LLPH: variants seen among roughly 807,000 people sequenced by gnomAD.
The protein encoded by LLPH is protein LLP homolog.
A neutral mutation model predicts 13.3 loss-of-function variants in LLPH; 5 were observed. The ratio of observed to expected loss-of-function variants is 0.38; its 90% CI spans 0.20 to 0.79. LLPH has a LOEUF of 0.79. LLPH is among the 30% of genes least tolerant of loss of function. LLPH has a pLI of 0.45. For missense variants in LLPH, 129 were observed against 152.1 expected, an observed-to-expected ratio of 0.85 and a Z score of 0.80; for synonymous variants, 32 against 44.2, an observed-to-expected ratio of 0.72 and a Z score of 1.09.
At position 66,130,688 on chromosome 12, in the gene LLPH, T is replaced by G. The variant is rs986727514; in HGVS notation, c.-8+17A>C. On this transcript the variant is annotated intron_variant, in intron 1 of 2. Coordinates refer to ENST00000266604, the MANE Select transcript of LLPH (RefSeq NM_032338.4). Reference sequence around the variant, plus strand: ...CAAGTCCCATGTGTCACTGGACCGGTGAGGAACCGAACTCACCTGAGAAAC... The same window carrying G: ...CAAGTCCCATGTGTCACTGGACCGGGGAGGAACCGAACTCACCTGAGAAAC... The G allele has an allele frequency of 6.6e-6, 1 of 152,186 alleles. No homozygotes were observed. The highest frequency in any genetic ancestry group is 2.1e-4 in the South Asian group (1 of 4,818). 9.4% of individuals were successfully genotyped at this position (152,186 alleles called of 1,614,324 possible).
At chr12:66,126,934 AAAAAAAC>A (rs1196591796) in intron 2 of LLPH, among the ~76,000 whole-genome samples, 5 of 152,100 alleles carry the variant, frequency 3.3e-5, no homozygotes, top group African/African-American at 9.7e-5. Flanking sequence ...ATCTCAAAAA[AAAAAAAC>A]AAAAAACAAA....
Position 66,122,651 on chromosome 12 carries a change from C to T in LLPH, c.*1189G>A, listed in dbSNP as rs2136827112. On this transcript the variant is annotated 3_prime_UTR_variant, in exon 3 of 3. Transcript: ENST00000266604. ...TAACTAAAAATCATTTCTCAGAAAA[C>T]TAGTTTCAAAGAGTAGACGCTAAAC... 1 of 152,306 alleles carries T rather than the reference C, an allele frequency of 6.6e-6. No individual in the cohort carries two copies. Among genetic ancestry groups the T allele is most frequent in the East Asian group, 1.9e-4 (1 of 5,194 alleles). 9.4% of individuals were successfully genotyped at this position (152,306 alleles called of 1,614,324 possible).
Position 66,128,999 on chromosome 12 carries a change from G to A in LLPH, c.108C>T (p.Asp36=), listed in dbSNP as rs149810949. The change falls in exon 2 of 3, where the codon GAC becomes GAT. Residue 36 remains aspartate (D), a synonymous_variant. Transcript: ENST00000266604. The part of the protein sequence containing the change: ...ASRLKSILKL[D]GDVLMKDVQE... ...GAACATCTTTCATTAAAACATCACCGTCTAGTTTGAGAATACTTTTAAGCC... is the reference window on the plus strand; with the variant it reads ...GAACATCTTTCATTAAAACATCACCATCTAGTTTGAGAATACTTTTAAGCC... The A allele has an allele frequency of 2.6e-3, 4,220 of 1,611,220 alleles. 8 individuals carry two copies. Among genetic ancestry groups the A allele is most frequent in the Non-Finnish European group, 3.1e-3 (3,615 of 1,177,542 alleles).
chr12:66,119,567 G>A lies in LLPH; in HGVS notation c.*4273C>T, dbSNP rs886501777. ...AACAGTGTTTTTATTAATACATGCA[G>A]GCAAATAGAGGGAAAAAGACATATA... On this transcript the variant is annotated 3_prime_UTR_variant, in exon 3 of 3. Transcript: ENST00000266604. The A allele has an allele frequency of 6.6e-6, 1 of 152,164 alleles. No individual in the cohort carries two copies. Among genetic ancestry groups the A allele is most frequent in the African/African-American group, 2.4e-5 (1 of 41,442 alleles). 9.4% of individuals were successfully genotyped at this position (152,164 alleles called of 1,614,324 possible).
chr12:66,123,853 C>A lies in LLPH; in HGVS notation c.377G>T (p.Gly126Val), dbSNP rs758277426. The change falls in exon 3 of 3, where the codon GGT becomes GTT. Residue 126 changes from glycine to valine, a missense_variant. Coordinates refer to ENST00000266604, the MANE Select transcript of LLPH (RefSeq NM_032338.4). ...SKAKAVKVAK[G>V]LAW Reference sequence around the variant, plus strand: ...GGTTTTAAGAGTCTACCAGGCCAAACCCTTTGCCACTTTCACTGCTTTTGC... The same window carrying A: ...GGTTTTAAGAGTCTACCAGGCCAAAACCTTTGCCACTTTCACTGCTTTTGC... 2.5e-6 allele frequency: 4 copies of A among 1,610,692 alleles called. No individual in the cohort carries two copies. The highest frequency in any genetic ancestry group is 1.7e-5 in the Admixed American group (1 of 60,004).
Position 66,118,563 on chromosome 12 carries a change from A to G in LLPH, c.*5277T>C, listed in dbSNP as rs936550667. 6 of 152,032 alleles carry G rather than the reference A, an allele frequency of 3.9e-5. No individual in the cohort carries two copies. Among genetic ancestry groups the G allele is most frequent in the African/African-American group, 1.4e-4 (6 of 41,390 alleles). The allele number at this position is 152,032 out of a possible 1,614,324, so 9.4% of individuals were successfully genotyped here. A position where few individuals can be genotyped will look rare whatever the true frequency, so the allele number is the denominator to read the frequency against. The stretch of plus-strand genomic sequence containing the variant: ...ATGTTTAGATACACAAATACTTCCC[A>G]TTGTGATACAATTGCCTACAGTACT... On this transcript the variant is annotated 3_prime_UTR_variant, in exon 3 of 3. Coordinates refer to ENST00000266604, the MANE Select transcript of LLPH (RefSeq NM_032338.4).
chr12:66,118,315 A>G lies in LLPH; in HGVS notation c.*5525T>C, dbSNP rs1340425081. ...GAGGTGGAGGTTGAGGTGAGCTGAG[A>G]TTGCGCCATTGTACTCCAGCCTGGG... On this transcript the variant is annotated 3_prime_UTR_variant, in exon 3 of 3. Coordinates refer to ENST00000266604, the MANE Select transcript of LLPH (RefSeq NM_032338.4). The G allele has an allele frequency of 1.4e-5, 2 of 147,080 alleles. No individual in the cohort carries two copies. The highest frequency in any genetic ancestry group is 3.0e-5 in the Non-Finnish European group (2 of 67,764). 9.1% of individuals were successfully genotyped at this position (147,080 alleles called of 1,614,324 possible).
chr12:66,129,578 G>T (rs2051521433), intron 1 of LLPH, among the ~76,000 whole-genome samples: 1 of 151,970 alleles, frequency 6.6e-6, no homozygotes, highest in Non-Finnish European at 1.5e-5. Flanking sequence ...GTAGAGACGG[G>T]TTTTCACCGT....
intron 2 of LLPH, among the ~76,000 whole-genome samples, chr12:66,126,714 T>A (rs923268998): frequency 1.2e-4 from 18 of 152,014 alleles, no homozygotes; most frequent in Non-Finnish European, 2.4e-4. Flanking sequence ...GTGGATCACT[T>A]GAGGTCAGGA....
chr12:66,126,673 G>A (rs2051499470), intron 2 of LLPH, among the ~76,000 whole-genome samples: 1 of 152,166 alleles, frequency 6.6e-6, no homozygotes, highest in Non-Finnish European at 1.5e-5. Context: ...GCTCACACCT[G>A]TAATCCCAGC....
chr12:66,129,130 C>A lies in LLPH; in HGVS notation c.-7-17G>T. The A allele has an allele frequency of 6.6e-7, 1 of 1,517,024 alleles. No homozygotes were observed. Among genetic ancestry groups the A allele is most frequent in the Non-Finnish European group, 9.1e-7 (1 of 1,103,308 alleles). 94.0% of individuals were successfully genotyped at this position (1,517,024 alleles called of 1,614,324 possible). On this transcript the variant is annotated splice_polypyrimidine_tract_variant and intron_variant, in intron 1 of 2. Coordinates refer to ENST00000266604, the MANE Select transcript of LLPH (RefSeq NM_032338.4). Reference sequence around the variant, plus strand: ...ATGTTTTACCTGAAGTTAACAAAAACACACATTCAAAAGCAAATCTTTAAT... The same window carrying A: ...ATGTTTTACCTGAAGTTAACAAAAAAACACATTCAAAAGCAAATCTTTAAT...
At position 66,122,770 on chromosome 12, in the gene LLPH, T is replaced by C. The variant is rs1010991128; in HGVS notation, c.*1070A>G. ...AAGTATGTAGCATTTCCCAAATCGA[T>C]GTGAACACAATTTATTTTTTTTAAC... On this transcript the variant is annotated 3_prime_UTR_variant, in exon 3 of 3. Transcript: ENST00000266604. 6.6e-6 allele frequency: 1 copy of C among 151,242 alleles called. No homozygotes were observed. The highest frequency in any genetic ancestry group is 2.4e-5 in the African/African-American group (1 of 41,386). The allele number at this position is 151,242 out of a possible 1,614,324, so 9.4% of individuals were successfully genotyped here. A position where few individuals can be genotyped will look rare whatever the true frequency, so the allele number is the denominator to read the frequency against.
At chr12:66,130,180 A>G (rs2051526060) in intron 1 of LLPH, among the ~76,000 whole-genome samples, 2 of 152,146 alleles carry the variant, frequency 1.3e-5, no homozygotes, top group Admixed American at 6.5e-5. Flanking sequence ...TACCTCAGAA[A>G]GGACTCCTCT....
intron 2 of LLPH, among the ~76,000 whole-genome samples, chr12:66,126,569 A>G (rs185618685): frequency 6.6e-6 from 1 of 152,280 alleles, no homozygotes; most frequent in African/African-American, 2.4e-5. Flanking sequence ...AACGTAATTG[A>G]AAAACGAGGC....
chr12:66,118,656 T>C lies in LLPH; in HGVS notation c.*5184A>G, dbSNP rs538416942. 1.3e-5 allele frequency: 2 copies of C among 152,310 alleles called. No homozygotes were observed. The highest frequency in any genetic ancestry group is 2.1e-4 in the South Asian group (1 of 4,830). The allele number at this position is 152,310 out of a possible 1,614,324, so 9.4% of individuals were successfully genotyped here. A position where few individuals can be genotyped will look rare whatever the true frequency, so the allele number is the denominator to read the frequency against. On this transcript the variant is annotated 3_prime_UTR_variant, in exon 3 of 3. Coordinates refer to ENST00000266604, the MANE Select transcript of LLPH (RefSeq NM_032338.4). ...TAGGCTATATCACATAGCCTAAGTG[T>C]AGTAGACGATACCCTCTAGATTTGT...
chr12:66,118,378 A>AT lies in LLPH; in HGVS notation c.*5461_*5462insA, dbSNP rs1265251305. ...AACTCCGTCTCAAAAAAAAAAAAAA[A>AT]AAATATACAGCAGTATACAGTCATG... On this transcript the variant is annotated 3_prime_UTR_variant, in exon 3 of 3. Transcript: ENST00000266604. 1.5e-3 allele frequency: 226 copies of AT among 152,664 alleles called. No individual in the cohort carries two copies. The highest frequency in any genetic ancestry group is 2.1e-3 in the Non-Finnish European group (146 of 68,732). The allele number at this position is 152,664 out of a possible 1,614,324, so 9.5% of individuals were successfully genotyped here. A position where few individuals can be genotyped will look rare whatever the true frequency, so the allele number is the denominator to read the frequency against.
At position 66,123,818 on chromosome 12, in the gene LLPH, C is replaced by T. The variant is rs2051479223; in HGVS notation, c.*22G>A. 1.2e-6 allele frequency: 2 copies of T among 1,609,686 alleles called. No homozygotes were observed. Among genetic ancestry groups the T allele is most frequent in the African/African-American group, 1.3e-5 (1 of 74,606 alleles). On this transcript the variant is annotated 3_prime_UTR_variant, in exon 3 of 3. Coordinates refer to ENST00000266604, the MANE Select transcript of LLPH (RefSeq NM_032338.4). ...CTAATCCGTCATCTATCCCATGTGG[C>T]ATTTTCCAAGGTTTTAAGAGTCTAC...
Position 66,121,776 on chromosome 12 carries a change from G to A in LLPH, c.*2064C>T, listed in dbSNP as rs1487534619. 6.6e-6 allele frequency: 1 copy of A among 151,382 alleles called. No individual in the cohort carries two copies. The highest frequency in any genetic ancestry group is 1.5e-5 in the Non-Finnish European group (1 of 67,916). The allele number at this position is 151,382 out of a possible 1,614,324, so 9.4% of individuals were successfully genotyped here. On this transcript the variant is annotated 3_prime_UTR_variant, in exon 3 of 3. Coordinates refer to ENST00000266604, the MANE Select transcript of LLPH (RefSeq NM_032338.4). ...GCACCCACCTGTAGTCCCAGCTACT[G>A]GGGAGGCTGAGGTGGGAGAATCGCT...
In LLPH at chr12:66,128,563, T is replaced by C. The variant is rs528327126; in HGVS notation, c.211+333A>G. Among the ~76,000 whole-genome samples, 5 of 152,310 alleles carry C rather than the reference T, an allele frequency of 3.3e-5. No homozygotes were observed. In the South Asian group the frequency reaches 1.0e-3, roughly 32 times the overall value. ...GAGTATGCCTAGATTTGTCTACTCC[T>C]GTAGAACTGTTTATTCCTGAGACAT... On this transcript the variant is annotated intron_variant, in intron 2 of 2. Coordinates refer to ENST00000266604, the MANE Select transcript of LLPH (RefSeq NM_032338.4).
Sources: gnomAD v4.1 joint callset for allele counts (sites outside exome capture counted in the v4.1 genomes callset) on GRCh38, gnomAD v4.1.1 for gene constraint, MANE v1.5 for transcripts, NCBI Gene and HGNC (gene_info 2026-07-23, HGNC 2026-07-21) for gene names.